Variants in PLAGL1 observed in about 807,000 individuals in gnomAD.
PLAGL1 encodes the protein zinc finger protein PLAGL1.
A neutral mutation model predicts 4.6 loss-of-function variants in PLAGL1; 1 was observed. The observed-to-expected ratio is 0.22, with a 90% confidence interval of 0.08 to 1.03. The LOEUF (loss-of-function observed/expected upper bound fraction) is 1.03, where lower values mean the gene tolerates loss of function less well. PLAGL1 is among the 50% of genes least tolerant of loss of function. PLAGL1 has a pLI of 0.58. For missense variants in PLAGL1, 464 were observed against 570.4 expected (o/e 0.81, Z 1.90); for synonymous variants, 240 against 237.8 (o/e 1.01, Z -0.08).
In PLAGL1 at chr6:144,053,158, A is replaced by G. The variant is rs1036646266; in HGVS notation, c.-151+11310T>C. ...CAATCAATCAATCATTTTTTTTGAA[A>G]TGGTCTCACTCTGTCGCCCAGGCTG... On this transcript the variant is annotated intron_variant, in intron 1 of 3. Transcript: ENST00000437412. The surrounding 1 kb of genome is among the most constrained non-coding windows in gnomAD (Gnocchi z 4.0). Among the ~76,000 whole-genome samples, 3 of 152,162 alleles carry G rather than the reference A, an allele frequency of 2.0e-5. No individual in the cohort carries two copies. The highest frequency in any genetic ancestry group is 4.4e-5 in the Non-Finnish European group (3 of 68,028).
At chr6:144,012,244 T>G (rs1414556931), upstream of PLAGL1, among the ~76,000 whole-genome samples, 3 of 152,202 alleles carry the variant, frequency 2.0e-5, no homozygotes, top group Non-Finnish European at 4.4e-5. The surrounding 1 kb of genome is among the most constrained non-coding windows in gnomAD (Gnocchi z 4.8). Context: ...AGACAGAGTC[T>G]CGCTCTGTCA....
intron 1 of PLAGL1, among the ~76,000 whole-genome samples, chr6:144,002,654 T>TG (rs1339020218): frequency 1.3e-5 from 2 of 151,378 alleles, no homozygotes; most frequent in Non-Finnish European, 3.0e-5. Flanking sequence ...AAAATAAAAC[T>TG]GGGGGAAAAA....
At chr6:143,956,366 A>G (rs1782138223) in intron 6 of PLAGL1, among the ~76,000 whole-genome samples, 1 of 152,154 alleles carries the variant, frequency 6.6e-6, no homozygotes, top group African/African-American at 2.4e-5. Flanking sequence ...TCAGAGCTCC[A>G]AAGACAGAAG....
chr6:143,986,615 A>G (rs1363498989), intron 1 of PLAGL1, among the ~76,000 whole-genome samples: 2 of 152,218 alleles, frequency 1.3e-5, no homozygotes, highest in Non-Finnish European at 2.9e-5. Flanking sequence ...TCCAAAGATC[A>G]TGTTCAGATT....
rs1348663780 is a variant in PLAGL1, at chr6:143,965,888, G to A, written c.-431+270C>T. On this transcript the variant is annotated intron_variant, in intron 4 of 7. Transcript: ENST00000674357. The surrounding 1 kb of genome is among the most constrained non-coding windows in gnomAD (Gnocchi z 7.5). Reference sequence around the variant, plus strand: ...CCAATCTGTGGTGCCCAGAAACTTGGCAGGGATAGGGTGGTTGCATGGGGA... The same window carrying A: ...CCAATCTGTGGTGCCCAGAAACTTGACAGGGATAGGGTGGTTGCATGGGGA... The A allele has an allele frequency of 1.3e-5, 2 of 152,212 alleles. No individual in the cohort carries two copies. Among genetic ancestry groups the A allele is most frequent in the African/African-American group, 4.8e-5 (2 of 41,426 alleles). The allele number at this position is 152,212 out of a possible 1,614,324, so 9.4% of individuals were successfully genotyped here. A position where few individuals can be genotyped will look rare whatever the true frequency, so the allele number is the denominator to read the frequency against.
intron 1 of PLAGL1, among the ~76,000 whole-genome samples, chr6:144,020,142 G>A (rs1039200919): frequency 1.2e-4 from 18 of 152,062 alleles, no homozygotes; most frequent in African/African-American, 3.9e-4. Context: ...CAAGAAGACC[G>A]CTGTCCACGA....
In PLAGL1 at chr6:143,964,239, T is replaced by C. The variant is rs1783970869; in HGVS notation, c.-399+548A>G. On this transcript the variant is annotated intron_variant, in intron 5 of 7. Coordinates refer to ENST00000674357, the MANE Select transcript of PLAGL1 (RefSeq NM_001317162.2). The surrounding 1 kb of genome is among the most constrained non-coding windows in gnomAD (Gnocchi z 4.3). ...GAGGCCAGACCTGAGGCAGGAGGTT[T>C]CCAGCCCTCACTGGCGGCCCTGGGG... 6.6e-6 allele frequency among the ~76,000 whole-genome samples: 1 copy of C among 152,162 alleles called. No homozygotes were observed. The highest frequency in any genetic ancestry group is 2.4e-5 in the African/African-American group (1 of 41,440).
In PLAGL1 at chr6:144,050,407, C is replaced by T. The variant is rs1447797576; in HGVS notation, c.-151+14061G>A. 6.6e-6 allele frequency among the ~76,000 whole-genome samples: 1 copy of T among 152,196 alleles called. No individual in the cohort carries two copies. Among genetic ancestry groups the T allele is most frequent in the Non-Finnish European group, 1.5e-5 (1 of 68,036 alleles). ...GCTTGCTCGGCTTTCCTGCCCAAAT[C>T]CCTTCTCAGAGCATTTTTATCGCTC... On this transcript the variant is annotated intron_variant, in intron 1 of 3. Transcript: ENST00000437412. The surrounding 1 kb of genome is among the most constrained non-coding windows in gnomAD (Gnocchi z 4.3).
chr6:144,042,314 A>G (rs145065839), intron 1 of PLAGL1, among the ~76,000 whole-genome samples: 16,351 of 152,152 alleles, frequency 0.11, 1,059 homozygotes, highest in South Asian at 0.15. Flanking sequence ...TAGGTCTAAC[A>G]TTTAAGTCTT....
intron 1 of PLAGL1, among the ~76,000 whole-genome samples, chr6:144,035,155 T>C (rs1212757029): frequency 2.6e-5 from 4 of 152,070 alleles, no homozygotes; most frequent in African/African-American, 4.8e-5. Context: ...TAGATGTATA[T>C]ATGAGAGGGA....
chr6:144,039,747 C>T lies in PLAGL1; in HGVS notation c.-151+24721G>A, dbSNP rs1797572573. Among the ~76,000 whole-genome samples, 1 of 152,140 alleles carries T rather than the reference C, an allele frequency of 6.6e-6. No individual in the cohort carries two copies. Among genetic ancestry groups the T allele is most frequent in the Admixed American group, 6.5e-5 (1 of 15,268 alleles). ...AATACAAAGGGGTATATACTAAATG[C>T]TACAGAAATTCCATTCCTGGGTATA... On this transcript the variant is annotated intron_variant, in intron 1 of 3. Coordinates refer to the PLAGL1 transcript ENST00000437412. The surrounding 1 kb of genome is among the most constrained non-coding windows in gnomAD (Gnocchi z 4.1).
rs1778459673 is a variant in PLAGL1, at chr6:143,941,004, G to A, written c.*420C>T. 1.3e-5 allele frequency: 2 copies of A among 154,684 alleles called. No homozygotes were observed. The highest frequency in any genetic ancestry group is 4.1e-4 in the South Asian group (2 of 4,886). The allele number at this position is 154,684 out of a possible 1,614,324, so 9.6% of individuals were successfully genotyped here. On this transcript the variant is annotated 3_prime_UTR_variant, in exon 8 of 8. Coordinates refer to ENST00000674357, the MANE Select transcript of PLAGL1 (RefSeq NM_001317162.2). This position sits in a 1 kb window ranked among gnomAD's most constrained non-coding sequence, Gnocchi z 6.0. ...GCCTAGTCATAGTATATCATATAAA[G>A]GTTATTTTCTTATTTTGAAAATTCT...
At chr6:144,037,845 A>G (rs1473171444) in intron 1 of PLAGL1, 1 of 152,216 alleles carries the variant, frequency 6.6e-6, no homozygotes, top group African/African-American at 2.4e-5. Flanking sequence ...AGGTTCTGCA[A>G]TGAAAAGCAC....
In PLAGL1 at chr6:143,942,750, A is replaced by G; in HGVS notation, c.153-87T>C. The G allele has an allele frequency of 1.0e-6, 1 of 956,624 alleles. No individual in the cohort carries two copies. Among genetic ancestry groups the G allele is most frequent in the Non-Finnish European group, 1.5e-6 (1 of 651,170 alleles). The allele number at this position is 956,624 out of a possible 1,614,324, so 59.3% of individuals were successfully genotyped here. ...GCAACAATATTATATCAAAATGTTA[A>G]TAGTTTTCTCTGGGTCTTGGTATAA... On this transcript the variant is annotated intron_variant, in intron 7 of 7. Transcript: ENST00000674357. The surrounding 1 kb of genome is among the most constrained non-coding windows in gnomAD (Gnocchi z 7.6).
chr6:143,947,004 G>A lies in PLAGL1; in HGVS notation c.152+981C>T, dbSNP rs769947971. 2.0e-5 allele frequency among the ~76,000 whole-genome samples: 3 copies of A among 152,146 alleles called. No individual in the cohort carries two copies. The highest frequency in any genetic ancestry group is 2.9e-5 in the Non-Finnish European group (2 of 68,026). On this transcript the variant is annotated intron_variant, in intron 7 of 7. Coordinates refer to ENST00000674357, the MANE Select transcript of PLAGL1 (RefSeq NM_001317162.2). The surrounding 1 kb of genome is among the most constrained non-coding windows in gnomAD (Gnocchi z 4.3). ...AAAAAGATCCACTGGCGGCAGAAAC[G>A]ATATCTAATGTATTCATTTCCCTCA...
intron 1 of PLAGL1, among the ~76,000 whole-genome samples, chr6:144,047,920 C>A (rs187572666): frequency 3.7e-4 from 56 of 152,282 alleles, no homozygotes; most frequent in African/African-American, 1.3e-3. Context: ...AACTCCCTTC[C>A]TCCTAAGAGC....
intron 1 of PLAGL1, among the ~76,000 whole-genome samples, chr6:144,045,732 C>T (rs1036601542): frequency 6.6e-6 from 1 of 152,146 alleles, no homozygotes; most frequent in Non-Finnish European, 1.5e-5. Flanking sequence ...TGAATGTTGG[C>T]CTGCCTTGCT....
In PLAGL1 at chr6:143,964,547, A is replaced by C. The variant is rs549986896; in HGVS notation, c.-399+240T>G. The stretch of plus-strand genomic sequence containing the variant: ...GTGGGGCACCTCAATAAAGTGCAGA[A>C]TCTTAGAACAGTGCACATCTGTGCT... On this transcript the variant is annotated intron_variant, in intron 5 of 7. Coordinates refer to ENST00000674357, the MANE Select transcript of PLAGL1 (RefSeq NM_001317162.2). The surrounding 1 kb of genome is among the most constrained non-coding windows in gnomAD (Gnocchi z 4.3). Among the ~76,000 whole-genome samples the C allele has an allele frequency of 6.6e-6, 1 of 152,320 alleles. No homozygotes were observed. The highest frequency in any genetic ancestry group is 1.9e-4 in the East Asian group (1 of 5,176).
In PLAGL1 at chr6:143,979,329, CAGTT is replaced by C. The variant is rs147015616; in HGVS notation, c.-544+5802_-544+5805del. Among the ~76,000 whole-genome samples, 8,712 of 152,174 alleles carry C rather than the reference CAGTT, an allele frequency of 0.057. 324 individuals are homozygous for C. The highest frequency in any genetic ancestry group is 0.083 in the Non-Finnish European group (5,607 of 67,932). On this transcript the variant is annotated intron_variant, in intron 2 of 7. Coordinates refer to ENST00000674357, the MANE Select transcript of PLAGL1 (RefSeq NM_001317162.2). This position sits in a 1 kb window ranked among gnomAD's most constrained non-coding sequence, Gnocchi z 4.6. Reference sequence around the variant, plus strand: ...GACATTCTTTGCCTTTTAATTATGACAGTTAGACCATTTATGCTTAACATGCTTA... The same window carrying C: ...GACATTCTTTGCCTTTTAATTATGACAGACCATTTATGCTTAACATGCTTA...
Sources: gnomAD v4.1 joint callset for allele counts (sites outside exome capture counted in the v4.1 genomes callset) on GRCh38, gnomAD v4.1.1 for gene constraint, Gnocchi (gnomAD v3.1) non-coding constraint, MANE v1.5 for transcripts, NCBI Gene and HGNC (gene_info 2026-07-23, HGNC 2026-07-21) for gene names.